Variants in ADAMTS10 observed in about 807,000 individuals in gnomAD.
ADAMTS10 encodes the protein A disintegrin and metalloproteinase with thrombospondin motifs 10.
Under a neutral mutation model 135.9 loss-of-function variants are expected in ADAMTS10, and 48 were observed. That is an observed-to-expected ratio of 0.35 (90% CI 0.28 to 0.45). The LOEUF (loss-of-function observed/expected upper bound fraction) is 0.45, where lower values mean the gene tolerates loss of function less well. ADAMTS10 is among the 20% of genes least tolerant of loss of function. The probability of loss-of-function intolerance (pLI) is 1.00; values close to 1 mark genes in which losing one functional copy is unlikely to be tolerated. For synonymous variants in ADAMTS10, 621 were observed against 647.5 expected (o/e 0.96, Z 0.62); for missense variants, 1,131 against 1,565.2 (o/e 0.72, Z 4.68).
chr19:8,603,647 CT>C, intron 5 of ADAMTS10, 80 bp downstream of exon 5: 1 of 1,589,974 alleles, frequency 6.3e-7, no homozygotes, highest in South Asian at 1.1e-5. Context: ...TGCCTGCTGA[CT>C]TTCTGGATAA....
chr19:8,600,665 A>G (rs566868812), intron 6 of ADAMTS10, among the ~76,000 whole-genome samples: 11 of 151,256 alleles, frequency 7.3e-5, no homozygotes, highest in South Asian at 6.3e-4. Flanking sequence ...CACTCGGCTA[A>G]TTTTTTGTAT....
chr19:8,584,832 T>C (rs2042401360), intron 25 of ADAMTS10, 63 bp downstream of exon 25: 4 of 1,541,598 alleles, frequency 2.6e-6, no homozygotes, highest in South Asian at 2.4e-5. Flanking sequence ...GGACCCCCAA[T>C]GCCCTCTGTG....
At chr19:8,587,042 AG>A (rs2042442731) in intron 18 of ADAMTS10, 146 bp from the exon 19 acceptor site, 1 of 893,336 alleles carries the variant, frequency 1.1e-6, no homozygotes, top group Admixed American at 2.0e-5. Context: ...CTTGTGAACC[AG>A]GTGTTTCATT....
intron 1 of ADAMTS10, among the ~76,000 whole-genome samples, chr19:8,609,756 G>C (rs998509023): frequency 2.6e-5 from 4 of 151,958 alleles, no homozygotes; most frequent in Non-Finnish European, 5.9e-5. Context: ...AGTGGGCGGC[G>C]CCACTCCCAC....
intron 6 of ADAMTS10, among the ~76,000 whole-genome samples, chr19:8,597,889 C>T (rs552159128): frequency 1.3e-4 from 19 of 151,460 alleles, no homozygotes; most frequent in East Asian, 2.0e-4. Context: ...CTGCAACCTC[C>T]GCCTCCTGGG....
chr19:8,586,744 G>T, intron 19 of ADAMTS10, 23 bp from the exon 20 acceptor site: 1 of 1,614,070 alleles, frequency 6.2e-7, no homozygotes, highest in Non-Finnish European at 8.5e-7. Context: ...GCAGGGTTCA[G>T]AATTCTAGTC....
chr19:8,594,887 TG>T (rs1227170228), intron 12 of ADAMTS10, among the ~76,000 whole-genome samples: 2 of 152,192 alleles, frequency 1.3e-5, no homozygotes, highest in Admixed American at 1.3e-4. Flanking sequence ...GTTAGGATGT[TG>T]GGGGGTGTCA....
In ADAMTS10 at chr19:8,585,448, C is replaced by A. The variant is rs2042414338; in HGVS notation, c.2865+8G>T. On this transcript the variant is annotated splice_region_variant and intron_variant, in intron 23 of 25. Coordinates refer to ENST00000597188, the MANE Select transcript of ADAMTS10 (RefSeq NM_030957.4). The stretch of plus-strand genomic sequence containing the variant: ...TCCCAGTGGGCGCGAAGGAAGGGGG[C>A]GGCTGACCTCAGACCAGTCGAGGGC... 2.0e-6 allele frequency: 3 copies of A among 1,536,342 alleles called. No individual in the cohort carries two copies. The highest frequency in any genetic ancestry group is 2.6e-6 in the Non-Finnish European group (3 of 1,141,214).
At position 8,595,751 on chromosome 19, in the gene ADAMTS10, A is replaced by G. The variant is rs782144987; in HGVS notation, c.1479+11T>C. 1.8e-5 allele frequency: 29 copies of G among 1,579,244 alleles called. No homozygotes were observed. The Admixed American group carries it at 4.8e-4, about 26-fold the overall frequency. On this transcript the variant is annotated intron_variant, in intron 12 of 25. Transcript: ENST00000597188. ...CCCTCCCAGGAAGGAAAGCAGGAAG[A>G]CTCTCTCTACCCCGTATTTACACTG...
chr19:8,598,062 T>G (rs1489034867), intron 6 of ADAMTS10, among the ~76,000 whole-genome samples: 1 of 151,422 alleles, frequency 6.6e-6, no homozygotes, highest in East Asian at 2.0e-4. Context: ...GATCCTCCTG[T>G]CCTGGCCTGG....
Position 8,597,052 on chromosome 19 carries a change from G to A in ADAMTS10, c.975C>T (p.Ser325=), listed in dbSNP as rs576762340. ...CKWQKSIVNH[S]GHGNAIPENG... ...TCTCTGGAATGGCATTGCCATGGCC[G>A]CTGTGGTTCACGATGGATTTCTGCC... Residue 325 remains serine (S), a synonymous_variant, in exon 8 of 26, where the codon AGC becomes AGT. Transcript: ENST00000597188. 61 of 1,614,174 alleles carry A rather than the reference G, an allele frequency of 3.8e-5. No individual in the cohort carries two copies. The East Asian group carries it at 5.6e-4, about 15-fold the overall frequency.
Position 8,586,191 on chromosome 19 carries a change from T to C in ADAMTS10, c.2591A>G (p.His864Arg), listed in dbSNP as rs1568392835. Residue 864 changes from histidine to arginine, a missense_variant, in exon 22 of 26, where the codon CAC becomes CGC. Physicochemically the swap from His to Arg is conservative, Grantham distance 29. This residue lies in a region of ADAMTS10 where 745 missense variants were observed against 1,056.3 expected (regional missense o/e 0.71). Coordinates refer to ENST00000597188, the MANE Select transcript of ADAMTS10 (RefSeq NM_030957.4). ...NQLDSSAVAP[H>R]YCSAHSKLPK... ...CAGCTTGCTGTGGGCACTGCAGTAGTGGGGGGCGACCGCGGAGCTGTCCAG... is the reference window on the plus strand; with the variant it reads ...CAGCTTGCTGTGGGCACTGCAGTAGCGGGGGGCGACCGCGGAGCTGTCCAG... 2 of 1,612,810 alleles carry C rather than the reference T, an allele frequency of 1.2e-6. No individual in the cohort carries two copies. Among genetic ancestry groups the C allele is most frequent in the East Asian group, 2.2e-5 (1 of 44,876 alleles).
Position 8,605,065 on chromosome 19 carries a change from G to A in ADAMTS10, c.382C>T (p.Leu128=). 6.2e-7 allele frequency: 1 copy of A among 1,611,922 alleles called. No homozygotes were observed. Among genetic ancestry groups the A allele is most frequent in the Non-Finnish European group, 8.5e-7 (1 of 1,179,436 alleles). The change falls in exon 4 of 26, where the codon CTG becomes TTG. Residue 128 remains leucine (L), a synonymous_variant. Coordinates refer to ENST00000597188, the MANE Select transcript of ADAMTS10 (RefSeq NM_030957.4). This position sits in a 1 kb window ranked among gnomAD's most constrained non-coding sequence, Gnocchi z 7.7. ...ARPHCLYAGH[L]QGQASSSHVA... ...TGGGAGCTGCTGGCCTGGCCCTGCA[G>A]GTGACCAGCGTAGAGGCAGTGGGGC...
At chr19:8,582,531 G>A (rs2042367221) in intron 25 of ADAMTS10, 1 of 152,238 alleles carries the variant, frequency 6.6e-6, no homozygotes, top group Non-Finnish European at 1.5e-5. Context: ...CTGAGTGGGT[G>A]AGTCAGGGTA....
chr19:8,592,310 C>G, intron 13 of ADAMTS10: 2 of 1,006,324 alleles, frequency 2.0e-6, no homozygotes, highest in Admixed American at 2.7e-5. Context: ...GTGGCCTGAG[C>G]ACAGGGTGCT....
chr19:8,585,521 G>T lies in ADAMTS10; in HGVS notation c.2800C>A (p.Pro934Thr). ...DDSACPQPRPPVLEACHGPTC... is the reference protein window; with the variant it reads ...DDSACPQPRPTVLEACHGPTC... ...GGGCCGTGGCAGGCCTCCAGTACAG[G>T]TGGGCGCGGCTGCGGGCATGCGCTG... Residue 934 changes from proline (P) to threonine (T), a missense_variant, in exon 23 of 26, where the codon CCT (proline) becomes ACT (threonine). Pro to Thr is a conservative substitution (Grantham distance 38). Coordinates refer to ENST00000597188, the MANE Select transcript of ADAMTS10 (RefSeq NM_030957.4). The T allele has an allele frequency of 6.4e-7, 1 of 1,555,936 alleles. No homozygotes were observed. The highest frequency in any genetic ancestry group is 1.7e-4 in the Middle Eastern group (1 of 5,786).
chr19:8,585,378 C>G, intron 23 of ADAMTS10, 70 bp from the exon 24 acceptor site: 1 of 1,535,332 alleles, frequency 6.5e-7, no homozygotes, highest in Non-Finnish European at 8.7e-7. Flanking sequence ...GACAGCTAAC[C>G]TGGAGACCGC....
intron 25 of ADAMTS10, among the ~76,000 whole-genome samples, chr19:8,584,177 A>AG (rs2042391959): frequency 1.4e-5 from 2 of 145,168 alleles, no homozygotes; most frequent in Non-Finnish European, 3.0e-5. Flanking sequence ...AAAAAAAAAA[A>AG]GTAAATAAAA....
Position 8,597,159 on chromosome 19 carries a change from G to A in ADAMTS10, c.895-27C>T. ...TGGGGATGGACAGAGGGAAATGCAT[G>A]GGCACCCACCACCCAGGGGACGGCA... On this transcript the variant is annotated intron_variant, in intron 7 of 25. Coordinates refer to ENST00000597188, the MANE Select transcript of ADAMTS10 (RefSeq NM_030957.4). 3.7e-6 allele frequency: 6 copies of A among 1,614,162 alleles called. No homozygotes were observed. In the South Asian group the frequency reaches 4.4e-5, roughly 12 times the overall value.
Sources: allele counts gnomAD v4.1 joint callset (sites outside exome capture counted in the v4.1 genomes callset), GRCh38; gene constraint gnomAD v4.1.1; regional missense constraint gnomAD v4.1.1; non-coding constraint Gnocchi (gnomAD v3.1); transcripts MANE v1.5; gene names NCBI Gene and HGNC (gene_info 2026-07-23, HGNC 2026-07-21).